NRG1: variants seen among roughly 807,000 people sequenced by gnomAD.
The protein encoded by NRG1 is pro-neuregulin-1, membrane-bound isoform.
A neutral mutation model predicts 63.8 loss-of-function variants in NRG1; 18 were observed. The ratio of observed to expected loss-of-function variants is 0.28; its 90% CI spans 0.19 to 0.42. The LOEUF is 0.42. Among genes scored for constraint, NRG1 ranks in the 10% least tolerant of loss-of-function variants. NRG1 has a pLI of 1.00. For synonymous variants in NRG1, 302 were observed against 301.3 expected (o/e 1.00, Z -0.02); for missense variants, 762 against 814.7 (o/e 0.94, Z 0.79).
intron 11 of NRG1, chr8:32,763,435 A>G (rs771837335): frequency 1.8e-5 from 26 of 1,464,400 alleles, no homozygotes; most frequent in African/African-American, 5.6e-5. Context: ...AGAGGTTTCC[A>G]GGACCTAATG....
chr8:32,114,515 A>T (rs1178554347), intron 1 of NRG1, among the ~76,000 whole-genome samples: 2 of 152,168 alleles, frequency 1.3e-5, no homozygotes, highest in Non-Finnish European at 2.9e-5. Flanking sequence ...TAAAAAAAAA[A>T]TCGCAAGTGA....
intron 1 of NRG1, among the ~76,000 whole-genome samples, chr8:32,375,675 C>T (rs1293614976): frequency 6.6e-6 from 1 of 152,164 alleles, no homozygotes; most frequent in Non-Finnish European, 1.5e-5. Flanking sequence ...AAAACTCTTC[C>T]TTCTCAAGAA....
At chr8:31,672,021 A>G (rs1368212025) in intron 1 of NRG1, among the ~76,000 whole-genome samples, 1 of 152,166 alleles carries the variant, frequency 6.6e-6, no homozygotes, top group African/African-American at 2.4e-5. Context: ...TGTCACTATT[A>G]TAAGAGGTCT....
intron 5 of NRG1, among the ~76,000 whole-genome samples, chr8:32,666,932 A>G (rs2919392): frequency 0.51 from 77,831 of 152,126 alleles, 20,930 homozygotes; most frequent in Non-Finnish European, 0.61. Flanking sequence ...GTATTGCAAC[A>G]TGCATCAGAA....
chr8:31,976,685 G>A (rs1386339508), intron 1 of NRG1, among the ~76,000 whole-genome samples: 2 of 150,134 alleles, frequency 1.3e-5, no homozygotes, highest in Admixed American at 6.7e-5. Flanking sequence ...GTGTGTGTGT[G>A]TGTGTGTGTG....
intron 11 of NRG1, among the ~76,000 whole-genome samples, chr8:32,761,793 C>CT (rs1323311228): frequency 6.6e-6 from 1 of 151,882 alleles, no homozygotes; most frequent in African/African-American, 2.4e-5. Flanking sequence ...CTAATCCCAG[C>CT]ACTTTGGGAG....
chr8:31,654,490 A>G (rs1805224420), intron 1 of NRG1, among the ~76,000 whole-genome samples: 1 of 152,230 alleles, frequency 6.6e-6, no homozygotes, highest in African/African-American at 2.4e-5. Context: ...GATACGTGTA[A>G]TGTGCCTTTC....
chr8:32,145,454 C>A (rs1413765020), intron 1 of NRG1, among the ~76,000 whole-genome samples: 2 of 152,080 alleles, frequency 1.3e-5, no homozygotes, highest in Non-Finnish European at 2.9e-5. Flanking sequence ...TTTTGTTCCC[C>A]AAGTCCAATA....
Position 31,812,515 on chromosome 8 carries a change from CTCATT to C in NRG1, c.37+173101_37+173105del, listed in dbSNP as rs112778625. 0.01 allele frequency among the ~76,000 whole-genome samples: 1,528 copies of C among 151,970 alleles called. 47 individuals are homozygous for C. The South Asian group carries it at 0.11, about 11-fold the overall frequency. On this transcript the variant is annotated intron_variant, in intron 1 of 10. Transcript: ENST00000519301. Reference sequence around the variant, plus strand: ...ATACCCAATTAGGGGTTTTTCCAGTCTCATTTCATTTCATTTCATTTGCTTCCTTT... The same window carrying C: ...ATACCCAATTAGGGGTTTTTCCAGTCTCATTTCATTTCATTTGCTTCCTTT...
intron 1 of NRG1, among the ~76,000 whole-genome samples, chr8:31,660,892 C>T (rs1174038624): frequency 6.6e-6 from 1 of 152,054 alleles, no homozygotes; most frequent in East Asian, 1.9e-4. Flanking sequence ...CTTTTAAATT[C>T]ATTTATAATT....
At chr8:32,300,884 G>A (rs1002498983) in intron 1 of NRG1, among the ~76,000 whole-genome samples, 4 of 152,176 alleles carry the variant, frequency 2.6e-5, no homozygotes, top group Non-Finnish European at 4.4e-5. Context: ...AGCAGCTATT[G>A]ATACAAAAGG....
At chr8:32,054,802 A>C (rs1053405463) in intron 1 of NRG1, among the ~76,000 whole-genome samples, 2 of 149,814 alleles carry the variant, frequency 1.3e-5, no homozygotes, top group African/African-American at 4.9e-5. Flanking sequence ...GGTATACCTA[A>C]ACTTGGGTGT....
At chr8:31,772,445 T>C (rs888875711) in intron 1 of NRG1, among the ~76,000 whole-genome samples, 1 of 152,214 alleles carries the variant, frequency 6.6e-6, no homozygotes, top group Admixed American at 6.5e-5. Flanking sequence ...AGGTTGAGGA[T>C]TAAACCCAGG....
Position 32,153,781 on chromosome 8 carries a change from G to T in NRG1, c.38-442047G>T, listed in dbSNP as rs1431845921. Among the ~76,000 whole-genome samples, 5 of 152,298 alleles carry T rather than the reference G, an allele frequency of 3.3e-5. No individual in the cohort carries two copies. The East Asian group carries it at 9.7e-4, about 29-fold the overall frequency. On this transcript the variant is annotated intron_variant, in intron 1 of 10. Transcript: ENST00000519301. ...TGGGCACACTAGGGATGAAGTGATA[G>T]TATTCTTTGTTGGATATCAAAAGAA...
intron 1 of NRG1, among the ~76,000 whole-genome samples, chr8:32,452,915 G>A (rs1821143138): frequency 6.6e-6 from 1 of 152,036 alleles, no homozygotes; most frequent in African/African-American, 2.4e-5. Flanking sequence ...CATTCCCATA[G>A]CAATCTTTTC....
At chr8:32,371,078 GGT>G (rs1231416136) in intron 1 of NRG1, among the ~76,000 whole-genome samples, 1 of 151,792 alleles carries the variant, frequency 6.6e-6, no homozygotes, top group African/African-American at 2.4e-5. Flanking sequence ...CGGGTGTGCT[GGT>G]GCATGCCTGT....
intron 1 of NRG1, among the ~76,000 whole-genome samples, chr8:32,246,782 G>A (rs531574846): frequency 3.3e-5 from 5 of 152,068 alleles, no homozygotes; most frequent in Non-Finnish European, 7.4e-5. Flanking sequence ...CACACTCGAA[G>A]CAGATAGAAT....
intron 1 of NRG1, among the ~76,000 whole-genome samples, chr8:32,227,760 T>G (rs1415819557): frequency 6.6e-6 from 1 of 152,152 alleles, no homozygotes; most frequent in African/African-American, 2.4e-5. Context: ...TCTCCCTTCT[T>G]TCTGGCCCCC....
chr8:31,664,030 T>C (rs1487928016), intron 1 of NRG1, among the ~76,000 whole-genome samples: 1 of 152,128 alleles, frequency 6.6e-6, no homozygotes, highest in Non-Finnish European at 1.5e-5. Flanking sequence ...TATTCTCTGG[T>C]TGATAAGCTA....
Sources: gnomAD v4.1 joint callset for allele counts (sites outside exome capture counted in the v4.1 genomes callset) on GRCh38, gnomAD v4.1.1 for gene constraint, MANE v1.5 for transcripts, NCBI Gene and HGNC (gene_info 2026-07-23, HGNC 2026-07-21) for gene names.